Variants in FOXP2 observed in about 807,000 individuals in gnomAD.
FOXP2 encodes the protein forkhead box P2.
A neutral mutation model predicts 115.8 loss-of-function variants in FOXP2; 12 were observed. That is an observed-to-expected ratio of 0.10 (90% CI 0.07 to 0.17). The LOEUF (loss-of-function observed/expected upper bound fraction) is 0.17, where lower values mean the gene tolerates loss of function less well. Ranked by LOEUF, FOXP2 falls within the 10% of genes least tolerant of loss-of-function variation. The probability of loss-of-function intolerance (pLI) is 1.00; values close to 1 mark genes in which losing one functional copy is unlikely to be tolerated. For synonymous variants in FOXP2, 328 were observed against 297.7 expected (o/e 1.10, Z -1.05); for missense variants, 629 against 843.5 (o/e 0.75, Z 3.15).
intron 2 of FOXP2, among the ~76,000 whole-genome samples, chr7:114,319,996 C>T (rs749268365): frequency 1.1e-4 from 17 of 152,222 alleles, no homozygotes; most frequent in Non-Finnish European, 1.6e-4. Context: ...ATCACTGATG[C>T]GGATTTCAGA....
chr7:114,426,409 A>G (rs1444867166), intron 1 of FOXP2, 93 bp from the exon 2 acceptor site: 2 of 1,185,762 alleles, frequency 1.7e-6, no homozygotes, highest in Non-Finnish European at 2.5e-6. Flanking sequence ...TCTTCTAAAG[A>G]TGCTGTCTCT....
At chr7:114,127,281 G>A (rs1791740243) in intron 1 of FOXP2, among the ~76,000 whole-genome samples, 1 of 152,104 alleles carries the variant, frequency 6.6e-6, no homozygotes, top group East Asian at 1.9e-4. Flanking sequence ...TAACAATCAT[G>A]GTAGTAACAT....
At chr7:114,343,424 A>G (rs546456667) in intron 2 of FOXP2, among the ~76,000 whole-genome samples, 1 of 151,806 alleles carries the variant, frequency 6.6e-6, no homozygotes, top group South Asian at 2.1e-4. Context: ...GGGATAATGC[A>G]GAAGGGCAGG....
At chr7:114,609,522 G>A (rs560926344) in intron 3 of FOXP2, among the ~76,000 whole-genome samples, 155 of 152,060 alleles carry the variant, frequency 1.0e-3, no homozygotes, top group South Asian at 2.3e-3. Flanking sequence ...AATTCTTTTC[G>A]AGCATAGCTT....
At chr7:114,223,370 A>G (rs1794668617) in intron 1 of FOXP2, among the ~76,000 whole-genome samples, 1 of 150,684 alleles carries the variant, frequency 6.6e-6, no homozygotes, top group Non-Finnish European at 1.5e-5. Flanking sequence ...TCAGCTTTTT[A>G]TTTGTTTGTT....
At position 114,642,620 on chromosome 7, in the gene FOXP2, A is replaced by T; in HGVS notation, c.986A>T (p.Asp329Val). The T allele has an allele frequency of 6.2e-7, 1 of 1,612,072 alleles. No homozygotes were observed. The highest frequency in any genetic ancestry group is 8.5e-7 in the Non-Finnish European group (1 of 1,178,392). The change falls in exon 7 of 17, where the codon GAC becomes GTC. Residue 329 changes from aspartate (D) to valine (V), a missense_variant. By Grantham distance (152) the Asp-to-Val change is radical. Around this residue, in one of 9 missense-constraint regions of FOXP2, gnomAD observed 92 missense variants for 80.1 expected, o/e 1.15. Transcript: ENST00000350908. The part of the protein sequence containing the change: ...GQSSVLSARR[D>V]SSSHEETGAS... ...TCTTCAGTTCTAAGTGCAAGACGAG[A>T]CAGGTAAATCTCATGAGCTTTATTC...
chr7:114,402,458 C>G (rs1584697006), intron 2 of FOXP2, among the ~76,000 whole-genome samples: 1 of 152,054 alleles, frequency 6.6e-6, no homozygotes, highest in South Asian at 2.1e-4. Context: ...ACACAATTGC[C>G]TACTGAAGTT....
At chr7:114,498,835 G>C in intron 2 of FOXP2, 1 of 717,482 alleles carries the variant, frequency 1.4e-6, no homozygotes, top group Non-Finnish European at 2.6e-6. Flanking sequence ...TGGGTGGTTG[G>C]CTTTGTTTCA....
At chr7:114,629,105 C>T (rs774963495) in intron 4 of FOXP2, 1 of 187,478 alleles carries the variant, frequency 5.3e-6, no homozygotes, top group Non-Finnish European at 1.1e-5. Context: ...AGTAACATCC[C>T]AGATTTTCCT....
chr7:114,549,788 TA>T (rs58729874), intron 3 of FOXP2, among the ~76,000 whole-genome samples: 26,700 of 151,172 alleles, frequency 0.18, 2,850 homozygotes, highest in African/African-American at 0.3. Flanking sequence ...TCTTTCAAAT[TA>T]AAAAAAAATA....
At chr7:114,212,124 T>TAA (rs1554431719) in intron 1 of FOXP2, among the ~76,000 whole-genome samples, 1 of 143,086 alleles carries the variant, frequency 7.0e-6, no homozygotes, top group Non-Finnish European at 1.5e-5. Context: ...TAAAATAAAA[T>TAA]ATATATATAT....
intron 3 of FOXP2, among the ~76,000 whole-genome samples, chr7:114,550,458 C>G (rs1800154424): frequency 1.3e-5 from 2 of 152,094 alleles, no homozygotes; most frequent in African/African-American, 4.8e-5. Context: ...TCCAACCTCC[C>G]TCTCTCCCAC....
chr7:114,264,325 G>A (rs988713151), intron 1 of FOXP2, among the ~76,000 whole-genome samples: 4 of 152,040 alleles, frequency 2.6e-5, no homozygotes, highest in African/African-American at 9.7e-5. Context: ...TTTTCATGGG[G>A]GGCAGGATTC....
At chr7:114,659,757 C>A in intron 13 of FOXP2, 84 bp downstream of exon 13, 1 of 1,060,950 alleles carries the variant, frequency 9.4e-7, no homozygotes, top group Non-Finnish European at 1.5e-6. Flanking sequence ...ATGACATAAG[C>A]AGATTAGTAT....
chr7:114,584,221 T>A (rs1181535523), intron 3 of FOXP2, among the ~76,000 whole-genome samples: 2 of 152,244 alleles, frequency 1.3e-5, no homozygotes, highest in East Asian at 3.9e-4. Context: ...GATTTTTTTT[T>A]ATTACTCCAC....
chr7:114,271,794 CAT>C (rs1448425218), intron 1 of FOXP2, among the ~76,000 whole-genome samples: 1 of 113,722 alleles, frequency 8.8e-6, no homozygotes, highest in African/African-American at 3.6e-5. Flanking sequence ...AAATGTATGT[CAT>C]ATTATTTATA....
At chr7:114,271,287 C>T (rs1421118060) in intron 1 of FOXP2, among the ~76,000 whole-genome samples, 1 of 150,362 alleles carries the variant, frequency 6.7e-6, no homozygotes, top group Non-Finnish European at 1.5e-5. Context: ...ATTTGTCTTA[C>T]CATGTTTGCT....
intron 2 of FOXP2, among the ~76,000 whole-genome samples, chr7:114,308,657 G>C (rs1384132278): frequency 2.0e-5 from 3 of 152,174 alleles, no homozygotes; most frequent in Non-Finnish European, 4.4e-5. Context: ...CTACAATCCA[G>C]ATGCCTGTGG....
chr7:114,229,108 T>C (rs924144240), intron 1 of FOXP2, among the ~76,000 whole-genome samples: 1 of 151,462 alleles, frequency 6.6e-6, no homozygotes, highest in African/African-American at 2.4e-5. Flanking sequence ...GATATACTTA[T>C]ATCAACCAGA....
Sources: allele counts gnomAD v4.1 joint callset (sites outside exome capture counted in the v4.1 genomes callset), GRCh38; gene constraint gnomAD v4.1.1; regional missense constraint gnomAD v4.1.1; transcripts MANE v1.5; gene names NCBI Gene and HGNC (gene_info 2026-07-23, HGNC 2026-07-21).